Variants in EFCAB6 observed in about 807,000 individuals in gnomAD.
The protein encoded by EFCAB6 is EF-hand calcium-binding domain-containing protein 6.
EFCAB6 carries 156 observed loss-of-function variants against 169.8 expected under a neutral mutation model. The ratio of observed to expected loss-of-function variants is 0.92; its 90% CI spans 0.81 to 1.05. EFCAB6 has a LOEUF of 1.05. Ranked by LOEUF, EFCAB6 falls within the 50% of genes least tolerant of loss-of-function variation. The pLI is 0.00. For missense variants in EFCAB6, 1,800 were observed against 1,829.1 expected (o/e 0.98, Z 0.29); for synonymous variants, 698 against 676.4 (o/e 1.03, Z -0.50).
At chr22:43,534,298 C>T (rs766741354) in intron 30 of EFCAB6, among the ~76,000 whole-genome samples, 3 of 152,160 alleles carry the variant, frequency 2.0e-5, no homozygotes, top group Non-Finnish European at 4.4e-5. Context: ...CCATGTAAGA[C>T]GTGCTTGCCT....
intron 2 of EFCAB6, among the ~76,000 whole-genome samples, chr22:43,793,619 C>T (rs1001045048): frequency 4.6e-5 from 7 of 152,122 alleles, no homozygotes; most frequent in Admixed American, 3.3e-4. Flanking sequence ...ACAAGGCATC[C>T]CCGCAGCATC....
intron 31 of EFCAB6, 112 bp from the exon 32 acceptor site, chr22:43,529,087 C>G (rs540562233): frequency 8.1e-7 from 1 of 1,231,924 alleles, no homozygotes; most frequent in East Asian, 2.4e-5. Flanking sequence ...AACCCCACTT[C>G]CGATGTCAGC....
At chr22:43,772,724 T>C (rs1037149940) in intron 4 of EFCAB6, among the ~76,000 whole-genome samples, 168 bp downstream of exon 4, 1 of 152,040 alleles carries the variant, frequency 6.6e-6, no homozygotes, top group Non-Finnish European at 1.5e-5. Context: ...CGAGTAGCTG[T>C]TGATCGTGAT....
Position 43,657,048 on chromosome 22 carries a change from G to A in EFCAB6, c.1983+10056C>T, listed in dbSNP as rs534887475. ...CTCACACCTATAATCCCAGTACTTCGGGAGGCTGAGGCAGGCAGATCCTTT... is the reference window on the plus strand; with the variant it reads ...CTCACACCTATAATCCCAGTACTTCAGGAGGCTGAGGCAGGCAGATCCTTT... On this transcript the variant is annotated intron_variant, in intron 17 of 31. Coordinates refer to ENST00000262726, the MANE Select transcript of EFCAB6 (RefSeq NM_022785.4). Among the ~76,000 whole-genome samples, 11 of 152,254 alleles carry A rather than the reference G, an allele frequency of 7.2e-5. No homozygotes were observed. In the South Asian group the frequency reaches 1.2e-3, roughly 17 times the overall value.
At chr22:43,681,446 T>C in intron 12 of EFCAB6, among the ~76,000 whole-genome samples, 1 of 152,338 alleles carries the variant, frequency 6.6e-6, no homozygotes, top group East Asian at 1.9e-4. Flanking sequence ...TTGGTTTTGG[T>C]ATCAGGGTAA....
intron 20 of EFCAB6, among the ~76,000 whole-genome samples, chr22:43,618,268 G>A (rs749355889): frequency 6.6e-6 from 1 of 151,580 alleles, no homozygotes; most frequent in Non-Finnish European, 1.5e-5. Context: ...AAAGTGACTC[G>A]GATAACTTCA....
At position 43,802,307 on chromosome 22, in the gene EFCAB6, T is replaced by C. The variant is rs561485129; in HGVS notation, c.-8+6688A>G. On this transcript the variant is annotated intron_variant, in intron 2 of 31. Coordinates refer to ENST00000262726, the MANE Select transcript of EFCAB6 (RefSeq NM_022785.4). ...CACTTTGGAGGCCAAGGCGGGTGGA[T>C]CACCTGAGGTCAGGAGTTCAAGACC... 6.6e-5 allele frequency among the ~76,000 whole-genome samples: 10 copies of C among 152,166 alleles called. No individual in the cohort carries two copies. In the South Asian group the frequency reaches 2.1e-3, roughly 32 times the overall value.
At chr22:43,750,169 A>G (rs2147817905) in intron 6 of EFCAB6, among the ~76,000 whole-genome samples, 1 of 152,332 alleles carries the variant, frequency 6.6e-6, no homozygotes, top group East Asian at 1.9e-4. Flanking sequence ...CTGATATTGC[A>G]GAATCTTTGC....
chr22:43,682,760 A>G (rs1056263262), intron 12 of EFCAB6, among the ~76,000 whole-genome samples: 2 of 152,244 alleles, frequency 1.3e-5, no homozygotes, highest in African/African-American at 4.8e-5. Flanking sequence ...ATATCGCCGA[A>G]TCATTTAAGA....
intron 5 of EFCAB6, among the ~76,000 whole-genome samples, chr22:43,756,614 C>G (rs1025621575): frequency 6.6e-6 from 1 of 152,096 alleles, no homozygotes; most frequent in Non-Finnish European, 1.5e-5. Flanking sequence ...GGTCTAGGGC[C>G]GTGGTGCTAA....
At chr22:43,561,959 C>T (rs1602270827) in intron 26 of EFCAB6, among the ~76,000 whole-genome samples, 1 of 152,274 alleles carries the variant, frequency 6.6e-6, no homozygotes, top group South Asian at 2.1e-4. Flanking sequence ...AAGGCGGGGG[C>T]TCGGCTGGGC....
chr22:43,563,662 C>T (rs1012175130), intron 26 of EFCAB6, among the ~76,000 whole-genome samples: 13 of 152,302 alleles, frequency 8.5e-5, no homozygotes, highest in South Asian at 2.1e-4. Context: ...GAGCCTGCCG[C>T]GCTGCTGCTG....
intron 20 of EFCAB6, among the ~76,000 whole-genome samples, chr22:43,618,923 T>C (rs986749733): frequency 7.3e-6 from 1 of 136,826 alleles, no homozygotes; most frequent in Non-Finnish European, 1.6e-5. Flanking sequence ...TTTTTTTTTT[T>C]CTTCTCTCAC....
chr22:43,634,343 C>T (rs538136664), intron 18 of EFCAB6, among the ~76,000 whole-genome samples: 1 of 152,186 alleles, frequency 6.6e-6, no homozygotes, highest in South Asian at 2.1e-4. Context: ...TAAGGGGTGG[C>T]AAATGACAGT....
At chr22:43,582,068 A>C (rs1053428517) in intron 24 of EFCAB6, among the ~76,000 whole-genome samples, 1 of 152,238 alleles carries the variant, frequency 6.6e-6, no homozygotes, top group Non-Finnish European at 1.5e-5. Flanking sequence ...GTTTCAATAC[A>C]TAAAAAAGTT....
At chr22:43,614,579 T>G (rs2147702017) in intron 21 of EFCAB6, among the ~76,000 whole-genome samples, 1 of 152,314 alleles carries the variant, frequency 6.6e-6, no homozygotes, top group South Asian at 2.1e-4. Context: ...CAGTGACTTG[T>G]TAGATACAAT....
At chr22:43,753,099 A>G (rs1204311292) in intron 6 of EFCAB6, among the ~76,000 whole-genome samples, 1 of 152,130 alleles carries the variant, frequency 6.6e-6, no homozygotes, top group Non-Finnish European at 1.5e-5. Flanking sequence ...ACAAATGAGA[A>G]ACCATCCACG....
Position 43,717,049 on chromosome 22 carries a change from T to C in EFCAB6, c.758-77A>G, listed in dbSNP as rs886847169. On this transcript the variant is annotated intron_variant, in intron 8 of 31. Transcript: ENST00000262726. ...TTAAATATTGTTTCATTTTAATCAT[T>C]ACTTGTTTGGTAAAAAAGGAAGGCT... 11 of 1,384,590 alleles carry C rather than the reference T, an allele frequency of 7.9e-6. No individual in the cohort carries two copies. In the African/African-American group the frequency reaches 1.0e-4, roughly 13 times the overall value. 85.8% of individuals were successfully genotyped at this position (1,384,590 alleles called of 1,614,324 possible). A position where few individuals can be genotyped will look rare whatever the true frequency, so the allele number is the denominator to read the frequency against.
intron 28 of EFCAB6, among the ~76,000 whole-genome samples, 185 bp downstream of exon 28, chr22:43,539,942 C>T (rs893257365): frequency 2.0e-5 from 3 of 152,132 alleles, no homozygotes; most frequent in Admixed American, 2.0e-4. Flanking sequence ...CACGTCTGCC[C>T]CCCTCCCAGG....
Sources: gnomAD v4.1 joint callset for allele counts (sites outside exome capture counted in the v4.1 genomes callset) on GRCh38, gnomAD v4.1.1 for gene constraint, MANE v1.5 for transcripts, NCBI Gene and HGNC (gene_info 2026-07-23, HGNC 2026-07-21) for gene names.